The following RIF1 variants were observed in gnomAD, a reference collection of about 807,000 sequenced individuals.
The protein encoded by RIF1 is replication timing regulatory factor 1.
A neutral mutation model predicts 247.1 loss-of-function variants in RIF1; 45 were observed. That is an observed-to-expected ratio of 0.18 (90% CI 0.14 to 0.23). RIF1 has a LOEUF of 0.23. Among genes scored for constraint, RIF1 ranks in the 10% least tolerant of loss-of-function variants. RIF1 has a pLI of 1.00. For synonymous variants in RIF1, 1,087 were observed against 978.8 expected, an observed-to-expected ratio of 1.11 and a Z score of -2.06; for missense variants, 2,967 against 2,862.5, an observed-to-expected ratio of 1.04 and a Z score of -0.83.
chr2:151,423,215 T>C, intron 8 of RIF1, 173 bp downstream of exon 8: 1 of 544,456 alleles, frequency 1.8e-6, no homozygotes, highest in Non-Finnish European at 3.2e-6. Context: ...CTTGCATTGC[T>C]TTTGCTTTCA....
downstream of RIF1, among the ~76,000 whole-genome samples, chr2:151,512,167 A>G (rs1340684661): frequency 6.6e-6 from 1 of 151,374 alleles, no homozygotes; most frequent in East Asian, 1.9e-4. Context: ...AGTAGCTGGG[A>G]CTACAGGTGC....
chr2:151,518,982 T>C, the RIF1 span: 1 of 1,612,934 alleles, frequency 6.2e-7, no homozygotes, highest in African/African-American at 1.3e-5. Context: ...GCAAGTTGGC[T>C]TGTATTCAGG....
intron 3 of RIF1, among the ~76,000 whole-genome samples, chr2:151,413,750 T>TA (rs1415215588): frequency 6.6e-6 from 1 of 152,236 alleles, no homozygotes; most frequent in African/African-American, 2.4e-5. Flanking sequence ...CTTCGTTTTG[T>TA]AAATATAGAA....
chr2:151,464,754 C>T lies in RIF1; in HGVS notation c.5234C>T (p.Ser1745Leu). Reference sequence around the variant, plus strand: ...GAAAAATCACAACCTCAGGAAAAGTCACTCATTGGGTTAAAGAATACAGAA... The same window carrying T: ...GAAAAATCACAACCTCAGGAAAAGTTACTCATTGGGTTAAAGAATACAGAA... ...CGEKSQPQEK[S>L]LIGLKNTENN... The change falls in exon 30 of 36, where the codon TCA becomes TTA. Residue 1745 changes from serine to leucine, a missense_variant. This residue lies in a region of RIF1 where 2,028 missense variants were observed against 1,825.6 expected (regional missense o/e 1.11). Transcript: ENST00000444746. 1 of 1,613,720 alleles carries T rather than the reference C, an allele frequency of 6.2e-7. No individual in the cohort carries two copies. The highest frequency in any genetic ancestry group is 2.2e-5 in the East Asian group (1 of 44,854).
chr2:151,448,080 T>C (rs1243443026), intron 20 of RIF1, among the ~76,000 whole-genome samples: 1 of 151,968 alleles, frequency 6.6e-6, no homozygotes, highest in Non-Finnish European at 1.5e-5. Context: ...CTCACAGTGA[T>C]TGTTGGACGA....
chr2:151,461,703 A>T (rs1391576108), intron 27 of RIF1, among the ~76,000 whole-genome samples: 3 of 151,968 alleles, frequency 2.0e-5, no homozygotes, highest in African/African-American at 4.8e-5. Context: ...CGTGTACTAA[A>T]TTTTAATGCG....
At chr2:151,516,164 A>G in the RIF1 span, among the ~76,000 whole-genome samples, 7 of 152,334 alleles carry the variant, frequency 4.6e-5, no homozygotes, top group South Asian at 1.4e-3. Flanking sequence ...TCATTCATAA[A>G]GGAAAATCCA....
the RIF1 span, chr2:151,514,268 A>G: frequency 7.6e-7 from 1 of 1,319,160 alleles, no homozygotes; most frequent in African/African-American, 1.5e-5. Flanking sequence ...TTGGCTAACA[A>G]AGAAATGATG....
intron 9 of RIF1, among the ~76,000 whole-genome samples, chr2:151,429,477 GC>G (rs1460321564): frequency 8.5e-5 from 13 of 152,202 alleles, no homozygotes; most frequent in Non-Finnish European, 1.8e-4. Flanking sequence ...ACTGCCCCCA[GC>G]CTATTATTTG....
chr2:151,430,364 C>T (rs1689865555), intron 9 of RIF1, among the ~76,000 whole-genome samples: 3 of 151,544 alleles, frequency 2.0e-5, no homozygotes, highest in South Asian at 4.2e-4. Context: ...CTGTGTTGCT[C>T]GGGCTGGAGT....
chr2:151,415,157 C>G (rs949129078), intron 4 of RIF1, among the ~76,000 whole-genome samples: 1 of 151,706 alleles, frequency 6.6e-6, no homozygotes, highest in African/African-American at 2.4e-5. Flanking sequence ...ACCATCCTGG[C>G]TAACATGGTG....
At chr2:151,416,174 A>G (rs1360243093) in intron 4 of RIF1, among the ~76,000 whole-genome samples, 1 of 152,220 alleles carries the variant, frequency 6.6e-6, no homozygotes, top group African/African-American at 2.4e-5. Context: ...TTTTGAGGGA[A>G]AAGCTGCTGC....
intron 34 of RIF1, 98 bp from the exon 35 acceptor site, chr2:151,473,866 T>C (rs559855242): frequency 1.4e-6 from 1 of 710,208 alleles, no homozygotes; most frequent in South Asian, 1.6e-5. Flanking sequence ...TTCTATGCAA[T>C]GTTTTCCAGT....
rs1254909055 is a variant in RIF1 at position 151,475,046 on chromosome 2, C to T, written c.7394C>T (p.Ser2465Leu). ...VIKNLQSRWR[S>L]PSHENSI ...AAAAATCTACAGTCACGTTGGAGAT[C>T]ACCATCCCATGAAAATTCTATTTAG... The change falls in exon 36 of 36, where the codon TCA becomes TTA. Residue 2465 changes from serine (S) to leucine (L), a missense_variant. Ser to Leu is a moderately radical substitution (Grantham distance 145). Around this residue, in one of 7 missense-constraint regions of RIF1, gnomAD observed 151 missense variants for 163.4 expected, o/e 0.92. Coordinates refer to ENST00000444746, the MANE Select transcript of RIF1 (RefSeq NM_018151.5). 3 of 1,611,130 alleles carry T rather than the reference C, an allele frequency of 1.9e-6. No homozygotes were observed. Among genetic ancestry groups the T allele is most frequent in the Non-Finnish European group, 1.7e-6 (2 of 1,177,814 alleles).
chr2:151,453,754 T>C (rs1435000300), intron 21 of RIF1, among the ~76,000 whole-genome samples: 1 of 152,184 alleles, frequency 6.6e-6, no homozygotes, highest in East Asian at 1.9e-4. Flanking sequence ...ATGTTAACAC[T>C]TCCTGTTTGT....
intron 17 of RIF1, 47 bp downstream of exon 17, chr2:151,443,376 A>C: frequency 7.3e-7 from 1 of 1,370,258 alleles, no homozygotes; most frequent in Middle Eastern, 1.8e-4. Flanking sequence ...AAGGTTATGT[A>C]ATGAATGAGA....
Position 151,463,822 on chromosome 2 carries a change from G to C in RIF1, c.4302G>C (p.Lys1434Asn). 6.2e-7 allele frequency: 1 copy of C among 1,611,936 alleles called. No homozygotes were observed. Among genetic ancestry groups the C allele is most frequent in the Non-Finnish European group, 8.5e-7 (1 of 1,179,544 alleles). ...VVESTTESQD[K>N]ENSHQKKERR... ...AGTCTACCACTGAAAGCCAAGATAAGGAAAATAGTCATCAAAAAAAGGAAC... is the reference window on the plus strand; with the variant it reads ...AGTCTACCACTGAAAGCCAAGATAACGAAAATAGTCATCAAAAAAAGGAAC... Residue 1434 changes from lysine (K) to asparagine (N), a missense_variant, in exon 30 of 36, where the codon AAG becomes AAC. Coordinates refer to ENST00000444746, the MANE Select transcript of RIF1 (RefSeq NM_018151.5).
chr2:151,416,706 G>A lies in RIF1; in HGVS notation c.408+18G>A, dbSNP rs1687271354. On this transcript the variant is annotated intron_variant, in intron 5 of 35. Transcript: ENST00000444746. Reference sequence around the variant, plus strand: ...GCAAAATGGTGAGTATAGTTTTTGGGTATGCCATCTTAACTATATGCCAAT... The same window carrying A: ...GCAAAATGGTGAGTATAGTTTTTGGATATGCCATCTTAACTATATGCCAAT... 1 of 1,610,984 alleles carries A rather than the reference G, an allele frequency of 6.2e-7. No homozygotes were observed. Among genetic ancestry groups the A allele is most frequent in the Non-Finnish European group, 8.5e-7 (1 of 1,179,308 alleles).
At chr2:151,489,931 A>G (rs1344605376) in intron 9 of RIF1, 2 of 1,479,904 alleles carry the variant, frequency 1.4e-6, no homozygotes, top group Admixed American at 1.7e-5. Context: ...CATATCAAAA[A>G]TTAAGAATAA....
Sources: allele counts gnomAD v4.1 joint callset (sites outside exome capture counted in the v4.1 genomes callset), GRCh38; gene constraint gnomAD v4.1.1; regional missense constraint gnomAD v4.1.1; transcripts MANE v1.5; gene names NCBI Gene and HGNC (gene_info 2026-07-23, HGNC 2026-07-21).